Variants in ARVCF observed in about 807,000 individuals in gnomAD.
The protein encoded by ARVCF is splicing regulator ARVCF.
A neutral mutation model predicts 90.9 loss-of-function variants in ARVCF; 66 were observed. That is an observed-to-expected ratio of 0.73 (90% CI 0.60 to 0.89). The LOEUF (loss-of-function observed/expected upper bound fraction) is 0.89, where lower values mean the gene tolerates loss of function less well. Ranked by LOEUF, ARVCF falls within the 40% of genes least tolerant of loss-of-function variation. The pLI, the probability that ARVCF is intolerant of heterozygous loss-of-function variation, is 0.00. For missense variants in ARVCF, 1,469 were observed against 1,382.3 expected, an observed-to-expected ratio of 1.06 and a Z score of -1.00; for synonymous variants, 653 against 603.4, an observed-to-expected ratio of 1.08 and a Z score of -1.21.
chr22:19,978,100 T>A (rs866794589), intron 7 of ARVCF, 25 bp from the exon 8 acceptor site: 1 of 1,575,804 alleles, frequency 6.3e-7, no homozygotes, highest in African/African-American at 1.4e-5. Flanking sequence ...GCAGGCCAGG[T>A]GACCCCTGGC....
intron 11 of ARVCF, among the ~76,000 whole-genome samples, chr22:19,974,569 G>A (rs1431095583): frequency 2.0e-5 from 3 of 152,058 alleles, no homozygotes; most frequent in Non-Finnish European, 4.4e-5. Context: ...CTGAAGCTAT[G>A]CATCCTGGCC....
intron 3 of ARVCF, among the ~76,000 whole-genome samples, chr22:19,985,412 G>A (rs186690906): frequency 4.8e-4 from 73 of 152,338 alleles, no homozygotes; most frequent in Non-Finnish European, 9.4e-4. Context: ...AGTGACCAGG[G>A]AGGTAGACCA....
At chr22:19,997,793 T>C (rs1224303910) in intron 2 of ARVCF, among the ~76,000 whole-genome samples, 1 of 152,014 alleles carries the variant, frequency 6.6e-6, no homozygotes, top group African/African-American at 2.4e-5. Context: ...TTTGTAGGAG[T>C]GTGGAGAGGT....
At chr22:19,971,614 G>A (rs932031913) in intron 18 of ARVCF, among the ~76,000 whole-genome samples, 1 of 152,194 alleles carries the variant, frequency 6.6e-6, no homozygotes, top group African/African-American at 2.4e-5. Flanking sequence ...GCTCTCACAC[G>A]CACATGCACA....
At chr22:19,969,054 C>G (rs553561747), downstream of ARVCF, 1 of 258,066 alleles carries the variant, frequency 3.9e-6, no homozygotes, top group South Asian at 4.1e-5. Flanking sequence ...TCCTTCTCAA[C>G]TGCCATTCCC....
At chr22:19,974,927 C>T (rs1352138211) in intron 11 of ARVCF, among the ~76,000 whole-genome samples, 2 of 152,198 alleles carry the variant, frequency 1.3e-5, no homozygotes, top group East Asian at 3.8e-4. Flanking sequence ...CCAAGCTTGC[C>T]TGTCTCCAAA....
At chr22:19,973,837 A>G in intron 12 of ARVCF, 44 bp from the exon 13 acceptor site, 1 of 1,573,964 alleles carries the variant, frequency 6.4e-7, no homozygotes, top group Non-Finnish European at 8.6e-7. Context: ...CATGCCAGGC[A>G]CTCTCCCACC....
intron 3 of ARVCF, among the ~76,000 whole-genome samples, chr22:19,989,516 A>G (rs1239420316): frequency 1.3e-5 from 2 of 152,048 alleles, no homozygotes; most frequent in Non-Finnish European, 2.9e-5. Flanking sequence ...GGCTGCCTCA[A>G]CAGAGACCAG....
chr22:19,987,446 G>A (rs1421581419), intron 3 of ARVCF, among the ~76,000 whole-genome samples: 1 of 150,002 alleles, frequency 6.7e-6, no homozygotes, highest in Non-Finnish European at 1.5e-5. Flanking sequence ...CCCTGCGGCA[G>A]GGGTGTCACT....
rs150038979 is a variant in ARVCF, at chr22:19,972,980, T to G, written c.2495A>C (p.Tyr832Ser). 1 of 1,613,686 alleles carries G rather than the reference T, an allele frequency of 6.2e-7. No individual in the cohort carries two copies. Among genetic ancestry groups the G allele is most frequent in the South Asian group, 1.1e-5 (1 of 91,088 alleles). The change falls in exon 15 of 20, where the codon TAC becomes TCC. Residue 832 changes from tyrosine (Y) to serine (S), a missense_variant. Physicochemically the swap from Tyr to Ser is moderately radical, Grantham distance 144. Transcript: ENST00000263207. ...CTGCAAGGTACCACGCAGCTCCTTG[T>G]AGCTCCACACTGTCTGCAGCACGTG... Reference protein sequence around the residue: ...ASHVLQTVWSYKELRGTLQKD... With the variant: ...ASHVLQTVWSSKELRGTLQKD...
Position 19,982,063 on chromosome 22 carries a change from A to G in ARVCF, c.239T>C (p.Leu80Pro). ...ATCAGGTGCCTCCGGCATCGTGGCC[A>G]GTGAGGCCTGGCTGCCTGGGCTCTG... ...QEQSPGSQAS[L>P]ATMPEAPDVL... Residue 80 changes from leucine to proline, a missense_variant, in exon 4 of 20, where the codon CTG (leucine) becomes CCG (proline). Transcript: ENST00000263207. The G allele has an allele frequency of 1.2e-6, 2 of 1,612,476 alleles. No homozygotes were observed. Among genetic ancestry groups the G allele is most frequent in the Non-Finnish European group, 1.7e-6 (2 of 1,179,926 alleles).
chr22:19,970,501 C>A lies in ARVCF; in HGVS notation c.*255G>T. The A allele has an allele frequency of 1.9e-6, 2 of 1,072,126 alleles. No individual in the cohort carries two copies. Among genetic ancestry groups the A allele is most frequent in the South Asian group, 2.2e-5 (1 of 44,556 alleles). The allele number at this position is 1,072,126 out of a possible 1,614,324, so 66.4% of individuals were successfully genotyped here. A position where few individuals can be genotyped will look rare whatever the true frequency, so the allele number is the denominator to read the frequency against. On this transcript the variant is annotated 3_prime_UTR_variant, in exon 20 of 20. Transcript: ENST00000263207. ...CAGCAGCCCAGTCGGCCTCCTCGGGCCTTCTGTCACTCGCTCACACACAGC... is the reference window on the plus strand; with the variant it reads ...CAGCAGCCCAGTCGGCCTCCTCGGGACTTCTGTCACTCGCTCACACACAGC...
intron 3 of ARVCF, among the ~76,000 whole-genome samples, chr22:19,987,988 G>A (rs1018619083): frequency 6.6e-6 from 1 of 152,178 alleles, no homozygotes; most frequent in Non-Finnish European, 1.5e-5. Flanking sequence ...CAAAGGCCAA[G>A]CCAATGGCTC....
chr22:19,994,941 C>T (rs536608000), intron 2 of ARVCF, among the ~76,000 whole-genome samples: 2 of 151,174 alleles, frequency 1.3e-5, no homozygotes, highest in Non-Finnish European at 2.9e-5. Flanking sequence ...GATGGACAGA[C>T]GGATGGACAG....
At chr22:19,993,345 G>GT (rs1944101055) in intron 2 of ARVCF, among the ~76,000 whole-genome samples, 1 of 152,254 alleles carries the variant, frequency 6.6e-6, no homozygotes, top group Non-Finnish European at 1.5e-5. Flanking sequence ...TTTTCAGATG[G>GT]TAACTCAAAA....
At chr22:19,974,063 G>A (rs955551807) in intron 12 of ARVCF, 49 bp downstream of exon 12, 2 of 1,566,922 alleles carry the variant, frequency 1.3e-6, no homozygotes, top group African/African-American at 2.7e-5. Flanking sequence ...GAGGTGCCTG[G>A]GATTCCCTCT....
At chr22:19,988,915 C>G (rs1943921726) in intron 3 of ARVCF, among the ~76,000 whole-genome samples, 1 of 152,156 alleles carries the variant, frequency 6.6e-6, no homozygotes, top group Admixed American at 6.5e-5. Flanking sequence ...AGCCTGAGGT[C>G]TTGAAGTCTT....
At chr22:19,989,323 G>A (rs1278644392) in intron 3 of ARVCF, among the ~76,000 whole-genome samples, 1 of 152,142 alleles carries the variant, frequency 6.6e-6, no homozygotes, top group East Asian at 1.9e-4. Flanking sequence ...CCATGCACTG[G>A]TGCTGGGCTG....
chr22:19,974,740 C>CT (rs1170471805), intron 11 of ARVCF, among the ~76,000 whole-genome samples: 15 of 152,140 alleles, frequency 9.9e-5, no homozygotes, highest in Non-Finnish European at 1.5e-5. Flanking sequence ...AGGGCCCACC[C>CT]TCCCCCACTG....
Sources: gnomAD v4.1 joint callset for allele counts (sites outside exome capture counted in the v4.1 genomes callset) on GRCh38, gnomAD v4.1.1 for gene constraint, MANE v1.5 for transcripts, NCBI Gene and HGNC (gene_info 2026-07-23, HGNC 2026-07-21) for gene names.